Variants in DSCAML1 observed in about 807,000 individuals in gnomAD.
DSCAML1 encodes DS cell adhesion molecule like 1.
In DSCAML1, 38 loss-of-function variants were observed where a neutral mutation model predicts 200.5. That is an observed-to-expected ratio of 0.19 (90% CI 0.15 to 0.25). The LOEUF is 0.25. Ranked by LOEUF, DSCAML1 falls within the 10% of genes least tolerant of loss-of-function variation. The pLI, the probability that DSCAML1 is intolerant of heterozygous loss-of-function variation, is 1.00. For missense variants in DSCAML1, 2,223 were observed against 2,858.8 expected, an observed-to-expected ratio of 0.78 and a Z score of 5.07; for synonymous variants, 1,215 against 1,165.0, an observed-to-expected ratio of 1.04 and a Z score of -0.87.
intron 3 of DSCAML1, among the ~76,000 whole-genome samples, chr11:117,684,435 T>TAAAAAA (rs149958154): frequency 1.1e-4 from 8 of 74,592 alleles, no homozygotes; most frequent in Non-Finnish European, 1.4e-4. Context: ...TTTCATTAAC[T>TAAAAAA]AAAAAAAAAA....
intron 3 of DSCAML1, among the ~76,000 whole-genome samples, chr11:117,545,235 A>C (rs1464004346): frequency 7.5e-6 from 1 of 133,290 alleles, no homozygotes; most frequent in Admixed American, 7.3e-5. Flanking sequence ...GTAAAAAAAA[A>C]CACACACACA....
intron 3 of DSCAML1, among the ~76,000 whole-genome samples, chr11:117,675,470 ATTTTT>A (rs533948278): frequency 1.3e-4 from 13 of 96,920 alleles, no homozygotes; most frequent in East Asian, 6.7e-4. Context: ...GCTGATTGAA[ATTTTT>A]TTTTTTTTTT....
chr11:117,700,323 T>C (rs1166577780), intron 3 of DSCAML1, among the ~76,000 whole-genome samples: 7 of 151,920 alleles, frequency 4.6e-5, no homozygotes, highest in Non-Finnish European at 1.0e-4. Context: ...ACTACGGGAG[T>C]CCACTGCAGC....
rs2047778949 is a variant in DSCAML1 at position 117,431,049 on chromosome 11, G to A, written c.5375-16C>T. ...CTTCCTTTGTCTGGGGAGTTAAGAGGAAAGGGGTGGGTTACGGGGAGGAGG... is the reference window on the plus strand; with the variant it reads ...CTTCCTTTGTCTGGGGAGTTAAGAGAAAAGGGGTGGGTTACGGGGAGGAGG... On this transcript the variant is annotated splice_polypyrimidine_tract_variant and intron_variant, in intron 31 of 32. Coordinates refer to ENST00000651296, the MANE Select transcript of DSCAML1 (RefSeq NM_020693.4). 6.2e-6 allele frequency: 10 copies of A among 1,600,098 alleles called. No homozygotes were observed. Among genetic ancestry groups the A allele is most frequent in the Non-Finnish European group, 7.7e-6 (9 of 1,172,674 alleles).
chr11:117,562,677 C>T lies in DSCAML1; in HGVS notation c.512-30155G>A, dbSNP rs556376948. 9.1e-4 allele frequency among the ~76,000 whole-genome samples: 138 copies of T among 152,332 alleles called. 1 individual carries two copies. The highest frequency in any genetic ancestry group is 1.7e-3 in the Non-Finnish European group (114 of 68,032). ...GGCACCTTGTGAATGAATGAATGAACAAATGAATGAACGAATGAAGGTGCT... is the reference window on the plus strand; with the variant it reads ...GGCACCTTGTGAATGAATGAATGAATAAATGAATGAACGAATGAAGGTGCT... On this transcript the variant is annotated intron_variant, in intron 3 of 32. Transcript: ENST00000651296.
At chr11:117,441,514 C>G (rs1041508608) in intron 21 of DSCAML1, among the ~76,000 whole-genome samples, 4 of 143,744 alleles carry the variant, frequency 2.8e-5, no homozygotes, top group Non-Finnish European at 4.4e-5. Context: ...TCAGCAGCAT[C>G]ACAGAAGGTG....
intron 3 of DSCAML1, among the ~76,000 whole-genome samples, chr11:117,580,368 G>A (rs1392843961): frequency 6.6e-6 from 1 of 152,210 alleles, no homozygotes; most frequent in Non-Finnish European, 1.5e-5. Context: ...GGGCAATCTG[G>A]TAGAGCGAGG....
intron 4 of DSCAML1, among the ~76,000 whole-genome samples, chr11:117,527,045 C>T (rs912003686): frequency 1.3e-5 from 2 of 152,082 alleles, no homozygotes; most frequent in African/African-American, 4.8e-5. Flanking sequence ...AGCCTGTGGT[C>T]CTGGCTACTC....
chr11:117,461,566 G>A lies in DSCAML1; in HGVS notation c.3296C>T (p.Ala1099Val). The A allele has an allele frequency of 6.2e-7, 1 of 1,613,876 alleles. No individual in the cohort carries two copies. Among genetic ancestry groups the A allele is most frequent in the Non-Finnish European group, 8.5e-7 (1 of 1,180,032 alleles). ...VPSQPPENVRALSITSDVAVI... is the reference protein window; with the variant it reads ...VPSQPPENVRVLSITSDVAVI... ...GGCCACGTCAGAAGTGATGGACAGG[G>A]CCCGGACGTTCTCAGGGGGCTGGCT... Residue 1099 changes from alanine (A) to valine (V), a missense_variant, in exon 18 of 33, where the codon GCC (alanine) becomes GTC (valine). Ala to Val is a moderately conservative substitution (Grantham distance 64). Transcript: ENST00000651296.
At chr11:117,554,072 G>A (rs2050514696) in intron 3 of DSCAML1, among the ~76,000 whole-genome samples, 1 of 152,206 alleles carries the variant, frequency 6.6e-6, no homozygotes, top group African/African-American at 2.4e-5. Flanking sequence ...AATACTGTAT[G>A]ATTCTACTTA....
intron 3 of DSCAML1, among the ~76,000 whole-genome samples, chr11:117,575,953 C>T (rs2050927013): frequency 1.3e-5 from 2 of 152,216 alleles, no homozygotes; most frequent in South Asian, 4.1e-4. Context: ...CTTGTCTGCG[C>T]TACAGAATAG....
At chr11:117,441,923 T>G (rs2048058192) in intron 21 of DSCAML1, among the ~76,000 whole-genome samples, 1 of 152,142 alleles carries the variant, frequency 6.6e-6, no homozygotes, top group African/African-American at 2.4e-5. Context: ...GTTCCAGACC[T>G]GGTTTTGCCA....
intron 3 of DSCAML1, among the ~76,000 whole-genome samples, chr11:117,729,691 A>G (rs2054187899): frequency 6.6e-6 from 1 of 152,250 alleles, no homozygotes; most frequent in Non-Finnish European, 1.5e-5. Context: ...AGGAAAATAC[A>G]ATTAAAGCCA....
chr11:117,613,837 C>T (rs1295887190), intron 3 of DSCAML1, among the ~76,000 whole-genome samples: 2 of 152,058 alleles, frequency 1.3e-5, no homozygotes, highest in African/African-American at 2.4e-5. Flanking sequence ...GGGAGCAGAC[C>T]CCTGCAGAGC....
rs545823370 is a variant in DSCAML1 at position 117,550,764 on chromosome 11, G to A, written c.512-18242C>T. ...AGGTGCAATTTCCCACCTCTCACTC[G>A]CTGACACTCTCTGCACAATCGATCA... On this transcript the variant is annotated intron_variant, in intron 3 of 32. Transcript: ENST00000651296. 3.3e-5 allele frequency among the ~76,000 whole-genome samples: 5 copies of A among 152,246 alleles called. No homozygotes were observed. The South Asian group carries it at 6.2e-4, about 19-fold the overall frequency.
intron 3 of DSCAML1, among the ~76,000 whole-genome samples, chr11:117,640,697 G>C (rs2052388990): frequency 6.6e-6 from 1 of 152,160 alleles, no homozygotes. Context: ...CGTGGTGCTT[G>C]CAAACGCCTC....
Position 117,797,027 on chromosome 11 carries a change from G to T in DSCAML1, c.46+7C>A, listed in dbSNP as rs763253359. ...CTCCGCCGCCCAGCCGCCCGCGCAG[G>T]TCTCACCTTTGTGTAAAGAGTCCAG... On this transcript the variant is annotated splice_region_variant and intron_variant, in intron 1 of 32. Coordinates refer to ENST00000651296, the MANE Select transcript of DSCAML1 (RefSeq NM_020693.4). The T allele has an allele frequency of 6.6e-7, 1 of 1,505,258 alleles. No homozygotes were observed. Among genetic ancestry groups the T allele is most frequent in the Non-Finnish European group, 8.9e-7 (1 of 1,122,486 alleles). 93.2% of individuals were successfully genotyped at this position (1,505,258 alleles called of 1,614,324 possible).
At chr11:117,477,390 G>GTGTGTGTGTGTA (rs778693160) in intron 14 of DSCAML1, among the ~76,000 whole-genome samples, 1 of 131,706 alleles carries the variant, frequency 7.6e-6, no homozygotes, top group Non-Finnish European at 1.6e-5. Flanking sequence ...GTGTGTGTGT[G>GTGTGTGTGTGTA]TATGTGTGTG....
intron 11 of DSCAML1, among the ~76,000 whole-genome samples, chr11:117,499,619 A>G (rs1389740563): frequency 6.6e-6 from 1 of 152,124 alleles, no homozygotes; most frequent in Non-Finnish European, 1.5e-5. Flanking sequence ...TCTGAGAGGG[A>G]GCTATTGCCT....
Sources: allele counts gnomAD v4.1 joint callset (sites outside exome capture counted in the v4.1 genomes callset), GRCh38; gene constraint gnomAD v4.1.1; transcripts MANE v1.5; gene names NCBI Gene and HGNC (gene_info 2026-07-23, HGNC 2026-07-21).